Variants in ANK2 observed in about 807,000 individuals in gnomAD.
ANK2 encodes the protein ankyrin-2.
In ANK2, 83 loss-of-function variants were observed where a neutral mutation model predicts 360.5. The ratio of observed to expected loss-of-function variants is 0.23; its 90% CI spans 0.19 to 0.28. The LOEUF is 0.28. ANK2 is among the 10% of genes least tolerant of loss of function. The probability of loss-of-function intolerance (pLI) is 1.00; values close to 1 mark genes in which losing one functional copy is unlikely to be tolerated. For synonymous variants in ANK2, 1,740 were observed against 1,759.5 expected, an observed-to-expected ratio of 0.99 and a Z score of 0.28; for missense variants, 4,201 against 4,795.7, an observed-to-expected ratio of 0.88 and a Z score of 3.66.
chr4:113,350,195 G>A (rs1339558699), intron 36 of ANK2, 33 bp from the exon 37 acceptor site: 2 of 1,598,968 alleles, frequency 1.3e-6, no homozygotes, highest in Admixed American at 1.7e-5. Context: ...GGCAGTATTT[G>A]TAACCATTCA....
rs397880062 is a variant in ANK2 at position 113,222,391 on chromosome 4, A to ATTT, written c.385-9750_385-9748dup. ...AAAAGTACAGGTGTTCTCTGAAACA[A>ATTT]TTTTTTTTTTTTTTTTTTTTTTGGC... On this transcript the variant is annotated intron_variant, in intron 4 of 45. Coordinates refer to ENST00000357077, the MANE Select transcript of ANK2 (RefSeq NM_001148.6). Among the ~76,000 whole-genome samples, 115 of 122,444 alleles carry ATTT rather than the reference A, an allele frequency of 9.4e-4. 1 individual carries two copies. The highest frequency in any genetic ancestry group is 4.4e-3 in the South Asian group (17 of 3,908). The allele number at this position is 122,444 out of a possible 152,430, so 80.3% of individuals were successfully genotyped here. A position where few individuals can be genotyped will look rare whatever the true frequency, so the allele number is the denominator to read the frequency against.
chr4:113,293,396 C>CCT (rs766215100), intron 21 of ANK2, 44 bp from the exon 22 acceptor site: 2 of 1,551,650 alleles, frequency 1.3e-6, no homozygotes, highest in Middle Eastern at 1.7e-4. Context: ...ACATCGCAGT[C>CCT]CTCTCTCTTA....
At chr4:112,730,780 A>C in the ANK2 span, among the ~76,000 whole-genome samples, 6 of 151,368 alleles carry the variant, frequency 4.0e-5, no homozygotes, top group African/African-American at 1.5e-4. Flanking sequence ...TGGGAGGCTG[A>C]GGTGGGAGGA....
At chr4:112,889,043 A>T (rs1425979834) in intron 1 of ANK2, among the ~76,000 whole-genome samples, 1 of 152,236 alleles carries the variant, frequency 6.6e-6, no homozygotes, top group Non-Finnish European at 1.5e-5. Flanking sequence ...CTAATATCAA[A>T]TGCAATTACA....
chr4:113,178,550 C>T (rs1426867875), intron 2 of ANK2, among the ~76,000 whole-genome samples: 4 of 140,400 alleles, frequency 2.8e-5, no homozygotes, highest in African/African-American at 8.1e-5. Context: ...CTAGCCTGCG[C>T]GATAGAGTGA....
In ANK2 at chr4:113,353,803, A is replaced by T. The variant is rs2095564801; in HGVS notation, c.5185A>T (p.Lys1729Ter). Residue 1729 changes from lysine (K) to a stop codon, truncating the protein, a stop_gained, in exon 38 of 46, where the codon AAA becomes TAA. Coordinates refer to ENST00000357077, the MANE Select transcript of ANK2 (RefSeq NM_001148.6). LOFTEE classifies it high-confidence loss of function. ...LQASAEKAEL[K>*]KGSSEESLGE... is the part of the protein sequence containing the mutation. ...AGCTAGTGCAGAGAAAGCTGAACTTAAAAAAGGTAGTTCAGAAGAGTCATT... is the reference window on the plus strand; with the variant it reads ...AGCTAGTGCAGAGAAAGCTGAACTTTAAAAAGGTAGTTCAGAAGAGTCATT... 3 of 1,613,878 alleles carry T rather than the reference A, an allele frequency of 1.9e-6. No individual in the cohort carries two copies. Among genetic ancestry groups the T allele is most frequent in the Non-Finnish European group, 2.5e-6 (3 of 1,179,990 alleles).
chr4:113,170,543 T>C (rs1275164092), intron 1 of ANK2, among the ~76,000 whole-genome samples: 1 of 152,188 alleles, frequency 6.6e-6, no homozygotes, highest in Non-Finnish European at 1.5e-5. Flanking sequence ...ACCTGGAATA[T>C]GCTAATATTT....
chr4:113,168,182 C>T (rs1195926645), intron 1 of ANK2, among the ~76,000 whole-genome samples: 2 of 151,994 alleles, frequency 1.3e-5, no homozygotes, highest in East Asian at 1.9e-4. Context: ...AAATGTAATA[C>T]TAAGTTAAAG....
chr4:113,130,713 A>G (rs1006085215), intron 1 of ANK2, among the ~76,000 whole-genome samples: 6 of 152,188 alleles, frequency 3.9e-5, no homozygotes, highest in African/African-American at 1.4e-4. Flanking sequence ...TAATAACCAT[A>G]GGTTTCTATA....
At chr4:112,895,058 T>C (rs2081327358) in intron 1 of ANK2, among the ~76,000 whole-genome samples, 1 of 152,218 alleles carries the variant, frequency 6.6e-6, no homozygotes, top group Non-Finnish European at 1.5e-5. Context: ...CCTCTCCTGA[T>C]GGAGATGCTT....
chr4:113,191,065 T>C (rs1394704074), intron 2 of ANK2, among the ~76,000 whole-genome samples: 1 of 152,034 alleles, frequency 6.6e-6, no homozygotes, highest in African/African-American at 2.4e-5. Flanking sequence ...TGAGGCTGGG[T>C]ATGGTGGTTC....
chr4:113,377,771 C>T (rs536352018), intron 45 of ANK2, among the ~76,000 whole-genome samples: 13 of 152,202 alleles, frequency 8.5e-5, no homozygotes, highest in Middle Eastern at 3.4e-3. Context: ...TTGTTTTTGC[C>T]TCTGGTTCTT....
intron 1 of ANK2, among the ~76,000 whole-genome samples, chr4:112,877,480 G>T (rs564025995): frequency 6.6e-6 from 1 of 152,268 alleles, no homozygotes; most frequent in South Asian, 2.1e-4. Context: ...CTCTCAAAGT[G>T]CTGGGATTAC....
chr4:112,933,263 A>C (rs948444592), intron 2 of ANK2, among the ~76,000 whole-genome samples: 3 of 152,180 alleles, frequency 2.0e-5, no homozygotes, highest in East Asian at 3.8e-4. Context: ...TTAATTGTTA[A>C]ATCTAAGGAA....
At chr4:112,805,397 A>G in the ANK2 span, among the ~76,000 whole-genome samples, 5 of 152,172 alleles carry the variant, frequency 3.3e-5, no homozygotes, top group African/African-American at 7.2e-5. Context: ...AACATGAACC[A>G]AAATGGGCCA....
intron 1 of ANK2, among the ~76,000 whole-genome samples, chr4:113,110,528 G>GA (rs1310661090): frequency 1.3e-5 from 2 of 152,044 alleles, no homozygotes; most frequent in Middle Eastern, 3.4e-3. Context: ...CTTTCAGAGG[G>GA]AAAAAAAGAG....
chr4:112,813,004 C>T, the ANK2 span, among the ~76,000 whole-genome samples: 1 of 152,008 alleles, frequency 6.6e-6, no homozygotes, highest in African/African-American at 2.4e-5. Context: ...CTTTGGGAGC[C>T]TGATGTGGGT....
chr4:113,046,786 T>G (rs17045462), upstream of ANK2, among the ~76,000 whole-genome samples: 1 of 152,228 alleles, frequency 6.6e-6, no homozygotes, highest in African/African-American at 2.4e-5. Flanking sequence ...ACTGTCAAAT[T>G]GAGAAGCCAA....
At chr4:112,750,853 G>A in the ANK2 span, among the ~76,000 whole-genome samples, 1 of 151,988 alleles carries the variant, frequency 6.6e-6, no homozygotes, top group Non-Finnish European at 1.5e-5. Context: ...TCAGCTTCCC[G>A]AGTAGCTGGG....
Sources: gnomAD v4.1 joint callset for allele counts (sites outside exome capture counted in the v4.1 genomes callset) on GRCh38, gnomAD v4.1.1 for gene constraint, MANE v1.5 for transcripts, NCBI Gene and HGNC (gene_info 2026-07-23, HGNC 2026-07-21) for gene names.